The following MRPL1 variants were observed in gnomAD, a reference collection of about 807,000 sequenced individuals.
The protein encoded by MRPL1 is large ribosomal subunit protein uL1m.
A neutral mutation model predicts 38.0 loss-of-function variants in MRPL1; 28 were observed. That is an observed-to-expected ratio of 0.74 (90% CI 0.55 to 1.01). MRPL1 has a LOEUF of 1.01. Among genes scored for constraint, MRPL1 ranks in the 50% least tolerant of loss-of-function variants. MRPL1 has a pLI of 0.00. For missense variants in MRPL1, 358 were observed against 389.8 expected, an observed-to-expected ratio of 0.92 and a Z score of 0.69; for synonymous variants, 123 against 126.7, an observed-to-expected ratio of 0.97 and a Z score of 0.20.
intron 7 of MRPL1, among the ~76,000 whole-genome samples, chr4:77,947,156 C>T (rs1309911100): frequency 1.3e-5 from 2 of 152,112 alleles, no homozygotes; most frequent in Non-Finnish European, 2.9e-5. Flanking sequence ...TCACCTGTGT[C>T]CACTGAGCCA....
intron 6 of MRPL1, among the ~76,000 whole-genome samples, chr4:77,897,345 A>G (rs991256858): frequency 7.9e-5 from 12 of 152,170 alleles, no homozygotes; most frequent in Admixed American, 2.0e-4. Context: ...TGCTGGGATT[A>G]CAGGCGTGAA....
chr4:77,940,731 T>G (rs1181260379), intron 7 of MRPL1, among the ~76,000 whole-genome samples: 1 of 152,190 alleles, frequency 6.6e-6, no homozygotes, highest in Non-Finnish European at 1.5e-5. Context: ...TATGCTGATT[T>G]TGCTGAGGGT....
At chr4:77,941,072 C>T (rs1380021018) in intron 7 of MRPL1, among the ~76,000 whole-genome samples, 1 of 151,932 alleles carries the variant, frequency 6.6e-6, no homozygotes, top group African/African-American at 2.4e-5. Context: ...TCAAGACCAC[C>T]CTGGCCACCA....
Position 77,879,990 on chromosome 4 carries a change from G to T in MRPL1, c.144-3252G>T, listed in dbSNP as rs116972147. On this transcript the variant is annotated intron_variant, in intron 2 of 8. Transcript: ENST00000315567. The stretch of plus-strand genomic sequence containing the variant: ...TGAGAATGGAATTATACGTTGAATT[G>T]GTTTTTGAGGTCTTTTTTAAAAAAC... Among the ~76,000 whole-genome samples the T allele has an allele frequency of 3.1e-4, 47 of 152,174 alleles. No homozygotes were observed. In the East Asian group the frequency reaches 9.1e-3, roughly 29 times the overall value.
intron 6 of MRPL1, among the ~76,000 whole-genome samples, chr4:77,906,335 A>G (rs915657782): frequency 6.6e-6 from 1 of 152,178 alleles, no homozygotes; most frequent in Non-Finnish European, 1.5e-5. Flanking sequence ...GGTATAAGAG[A>G]AAATAGAAGG....
At chr4:77,947,026 A>AAAAAAAAG (rs1553908982) in intron 7 of MRPL1, among the ~76,000 whole-genome samples, 1 of 149,360 alleles carries the variant, frequency 6.7e-6, no homozygotes, top group Non-Finnish European at 1.5e-5. Flanking sequence ...AAAAAAAAAA[A>AAAAAAAAG]GTTAAGAACC....
intron 6 of MRPL1, among the ~76,000 whole-genome samples, chr4:77,898,454 G>C (rs1030286999): frequency 1.3e-5 from 2 of 151,978 alleles, no homozygotes; most frequent in Non-Finnish European, 2.9e-5. Flanking sequence ...TCAGTTGGTA[G>C]AAGATATAAA....
In MRPL1 at chr4:77,909,385, G is replaced by A; in HGVS notation, c.777+13G>A. 7.2e-7 allele frequency: 1 copy of A among 1,393,826 alleles called. No homozygotes were observed. Among genetic ancestry groups the A allele is most frequent in the Non-Finnish European group, 1.0e-6 (1 of 992,786 alleles). The allele number at this position is 1,393,826 out of a possible 1,614,324, so 86.3% of individuals were successfully genotyped here. On this transcript the variant is annotated intron_variant, in intron 7 of 8. Transcript: ENST00000315567. ...CAAAATAGCAACAGTAAGTTACAAT[G>A]AAAATTATCAAATAATCCTCTTTTT...
chr4:77,938,922 T>C (rs139735895), intron 7 of MRPL1, among the ~76,000 whole-genome samples: 106 of 152,284 alleles, frequency 7.0e-4, no homozygotes, highest in African/African-American at 2.5e-3. Context: ...CACCTTTTAT[T>C]TTTTTATTTC....
At chr4:77,904,423 A>C (rs1736108108) in intron 6 of MRPL1, among the ~76,000 whole-genome samples, 2 of 151,764 alleles carry the variant, frequency 1.3e-5, no homozygotes, top group African/African-American at 4.8e-5. Context: ...ATTTGGTGAC[A>C]CATGCTTGTA....
At chr4:77,889,104 T>A (rs1463698809) in intron 5 of MRPL1, among the ~76,000 whole-genome samples, 1 of 152,120 alleles carries the variant, frequency 6.6e-6, no homozygotes, top group South Asian at 2.1e-4. Flanking sequence ...TATCCAGGAA[T>A]TGAACTCAGC....
intron 2 of MRPL1, among the ~76,000 whole-genome samples, chr4:77,881,526 C>T (rs1735541954): frequency 6.6e-6 from 1 of 150,636 alleles, no homozygotes; most frequent in East Asian, 1.9e-4. Flanking sequence ...ACTGCAGTCT[C>T]AGACTCCTGA....
rs751269068 is a variant in MRPL1 at position 77,949,877 on chromosome 4, G to C, written c.858G>C (p.Leu286Phe). ...TTTGTAGGCACAGACCGCTGAATTTGGGTAAGTGGTTTGCTGAGGGTAGAC... is the reference window on the plus strand; with the variant it reads ...TTTGTAGGCACAGACCGCTGAATTTCGGTAAGTGGTTTGCTGAGGGTAGAC... ...NEVCRHRPLN[L>F]GPFVVRAFLR... is the part of the protein sequence containing the mutation. Residue 286 changes from leucine (L) to phenylalanine (F), a missense_variant and splice_region_variant, in exon 8 of 9, where the codon TTG becomes TTC. Transcript: ENST00000315567. 6.2e-7 allele frequency: 1 copy of C among 1,604,000 alleles called. No homozygotes were observed. The highest frequency in any genetic ancestry group is 1.3e-5 in the African/African-American group (1 of 74,774).
chr4:77,898,691 A>ACC (rs1286189615), intron 6 of MRPL1, among the ~76,000 whole-genome samples: 1 of 151,900 alleles, frequency 6.6e-6, no homozygotes, highest in African/African-American at 2.4e-5. Flanking sequence ...ATGGGGTTTC[A>ACC]CCATGTTGGC....
At chr4:77,930,326 T>TA (rs1736815754) in intron 7 of MRPL1, among the ~76,000 whole-genome samples, 1 of 152,124 alleles carries the variant, frequency 6.6e-6, no homozygotes, top group Non-Finnish European at 1.5e-5. Context: ...AGGTGAGTGG[T>TA]GGGGGAGCAA....
At position 77,915,291 on chromosome 4, in the gene MRPL1, G is replaced by T. The variant is rs72869582; in HGVS notation, c.777+5919G>T. On this transcript the variant is annotated intron_variant, in intron 7 of 8. Transcript: ENST00000315567. ...ATCTTTCTTAATTATTTAACTTGAG[G>T]ATTAGTATCTTGGATATTAGAACTC... Among the ~76,000 whole-genome samples the T allele has an allele frequency of 6.0e-4, 91 of 152,282 alleles. 1 individual carries two copies. The highest frequency in any genetic ancestry group is 2.1e-3 in the African/African-American group (86 of 41,566).
chr4:77,933,261 T>A (rs1184581751), intron 7 of MRPL1, among the ~76,000 whole-genome samples: 1 of 152,092 alleles, frequency 6.6e-6, no homozygotes, highest in Admixed American at 6.5e-5. Context: ...TGTCTTTATG[T>A]TTAGAGGAGC....
At chr4:77,921,237 A>G (rs1206901835) in intron 7 of MRPL1, among the ~76,000 whole-genome samples, 1 of 152,202 alleles carries the variant, frequency 6.6e-6, no homozygotes, top group Non-Finnish European at 1.5e-5. Context: ...CGAGTGGCAA[A>G]AACTGTTCCT....
At chr4:77,905,631 G>A (rs540080839) in intron 6 of MRPL1, among the ~76,000 whole-genome samples, 1 of 151,824 alleles carries the variant, frequency 6.6e-6, no homozygotes, top group East Asian at 1.9e-4. Flanking sequence ...AAGGAAGGAA[G>A]TTTTGTTTGT....
Sources: gnomAD v4.1 joint callset for allele counts (sites outside exome capture counted in the v4.1 genomes callset) on GRCh38, gnomAD v4.1.1 for gene constraint, MANE v1.5 for transcripts, NCBI Gene and HGNC (gene_info 2026-07-23, HGNC 2026-07-21) for gene names.